C2: variants seen among roughly 807,000 people sequenced by gnomAD.
C2 encodes the protein C3/C5 convertase.
In C2, 64 loss-of-function variants were observed where a neutral mutation model predicts 85.2. The observed-to-expected ratio is 0.75, with a 90% CI of 0.61 to 0.92. The LOEUF is 0.92. C2 is among the 40% of genes least tolerant of loss of function. C2 has a pLI of 0.00. For missense variants in C2, 820 were observed against 971.6 expected (o/e 0.84, Z 2.07); for synonymous variants, 311 against 370.8 (o/e 0.84, Z 1.85).
rs1768997113 is a variant in C2 at position 31,921,868 on chromosome 6, G to T, written c.-100+1842G>T. On this transcript the variant is annotated intron_variant, in intron 1 of 3. Transcript: ENST00000413154. The surrounding 1 kb of genome is among the most constrained non-coding windows in gnomAD (Gnocchi z 4.6). Reference sequence around the variant, plus strand: ...AGTGCAGACAGTGCATTCTGGAGGTGATCGCAAGAAACATGGGTAGTGGAG... The same window carrying T: ...AGTGCAGACAGTGCATTCTGGAGGTTATCGCAAGAAACATGGGTAGTGGAG... 1.3e-5 allele frequency among the ~76,000 whole-genome samples: 2 copies of T among 152,180 alleles called. No homozygotes were observed. Among genetic ancestry groups the T allele is most frequent in the Non-Finnish European group, 2.9e-5 (2 of 68,022 alleles).
chr6:31,906,348 T>C lies in C2; in HGVS notation c.73+5209T>C, dbSNP rs529442808. 6.6e-5 allele frequency among the ~76,000 whole-genome samples: 10 copies of C among 151,962 alleles called. No individual in the cohort carries two copies. The East Asian group carries it at 1.6e-3, about 24-fold the overall frequency. ...CTCCTCAATGCTGGCTCCTCCTCCT[T>C]CTTCAGAGCTCCTTATCCCTAGCTC... On this transcript the variant is annotated intron_variant, in intron 1 of 3. Coordinates refer to the C2 transcript ENST00000452202.
Position 31,944,848 on chromosome 6 carries a change from G to T in C2, c.2024G>T (p.Cys675Phe). Reference protein sequence around the residue: ...CSGTQEDESPCKGESGGAVFL... With the variant: ...CSGTQEDESPFKGESGGAVFL... ...GGGACCCAGGAGGATGAGAGTCCCT[G>T]CAAGGGTGAGTCCCTCACCATGCCT... The change falls in exon 16 of 18, where the codon TGC becomes TTC. Residue 675 changes from cysteine (C) to phenylalanine (F), a missense_variant. Cys to Phe is a radical substitution (Grantham distance 205). Coordinates refer to ENST00000299367, the MANE Select transcript of C2 (RefSeq NM_000063.6). The surrounding 1 kb of genome is among the most constrained non-coding windows in gnomAD (Gnocchi z 5.1). The T allele has an allele frequency of 3.1e-6, 5 of 1,613,072 alleles. No individual in the cohort carries two copies. Among genetic ancestry groups the T allele is most frequent in the Non-Finnish European group, 4.2e-6 (5 of 1,180,040 alleles).
Position 31,934,299 on chromosome 6 carries a change from G to A in C2, c.849G>A (p.Arg283=). 1 of 1,593,894 alleles carries A rather than the reference G, an allele frequency of 6.3e-7. No homozygotes were observed. Among genetic ancestry groups the A allele is most frequent in the Non-Finnish European group, 8.6e-7 (1 of 1,162,534 alleles). The change falls in exon 6 of 18, where the codon AGG becomes AGA. Residue 283 remains arginine (R), a splice_region_variant and synonymous_variant. Coordinates refer to ENST00000299367, the MANE Select transcript of C2 (RefSeq NM_000063.6). ...AGAGCGCCTCCCTCATGGTGGACAGGGTCAGGAATCAGGAGTCTGCCTGCA... is the reference window on the plus strand; with the variant it reads ...AGAGCGCCTCCCTCATGGTGGACAGAGTCAGGAATCAGGAGTCTGCCTGCA... ...FKESASLMVD[R]IFSFEINVSV...
At chr6:31,915,159 T>C (rs1768418319), upstream of C2, among the ~76,000 whole-genome samples, 1 of 152,186 alleles carries the variant, frequency 6.6e-6, no homozygotes, top group Non-Finnish European at 1.5e-5. Flanking sequence ...ATTTCTGAAA[T>C]GCAAATCAAA....
At chr6:31,928,627 A>G (rs1451003497) in intron 2 of C2, 105 bp from the exon 3 acceptor site, 1 of 1,126,500 alleles carries the variant, frequency 8.9e-7, no homozygotes, top group Non-Finnish European at 1.3e-6. Context: ...TTTGACAGCC[A>G]GTTGACCATT....
intron 1 of C2, among the ~76,000 whole-genome samples, chr6:31,913,574 GA>G (rs1331867935): frequency 6.6e-6 from 1 of 152,094 alleles, no homozygotes; most frequent in Non-Finnish European, 1.5e-5. Flanking sequence ...CAACAAAAGC[GA>G]AACTCCATCT....
rs1306608480 is a variant in C2, at chr6:31,945,306, G to T, written c.2208G>T (p.Gln736His). 2 of 1,613,046 alleles carry T rather than the reference G, an allele frequency of 1.2e-6. No homozygotes were observed. Among genetic ancestry groups the T allele is most frequent in the Admixed American group, 1.7e-5 (1 of 60,018 alleles). Residue 736 changes from glutamine (Q) to histidine (H), a missense_variant, in exon 18 of 18, where the codon CAG becomes CAT. Transcript: ENST00000299367. The surrounding 1 kb of genome is among the most constrained non-coding windows in gnomAD (Gnocchi z 5.3). Reference sequence around the variant, plus strand: ...TTCACATCAATCTCTTCCGCATGCAGCCCTGGCTGAGGCAGCACCTGGGGG... The same window carrying T: ...TTCACATCAATCTCTTCCGCATGCATCCCTGGCTGAGGCAGCACCTGGGGG... ...RDFHINLFRMQPWLRQHLGDV... is the reference protein window; with the variant it reads ...RDFHINLFRMHPWLRQHLGDV...
At chr6:31,899,868 G>A, upstream of C2, 13 of 1,471,398 alleles carry the variant, frequency 8.8e-6, no homozygotes, top group Non-Finnish European at 1.2e-5. Context: ...CTGGGCCAAA[G>A]AGCCCTTTTT....
At chr6:31,910,695 A>G (rs1348490336) in intron 1 of C2, among the ~76,000 whole-genome samples, 2 of 152,118 alleles carry the variant, frequency 1.3e-5, no homozygotes, top group South Asian at 2.1e-4. Context: ...AAAATGAATC[A>G]TGAGCCCAGC....
chr6:31,901,564 G>A (rs753923524), intron 1 of C2, among the ~76,000 whole-genome samples: 1 of 151,608 alleles, frequency 6.6e-6, no homozygotes, highest in Non-Finnish European at 1.5e-5. Flanking sequence ...GCTAGGATGG[G>A]GCGAGCCCGC....
chr6:31,937,196 G>T, intron 7 of C2, 123 bp from the exon 8 acceptor site: 1 of 981,058 alleles, frequency 1.0e-6, no homozygotes, highest in Non-Finnish European at 1.5e-6. Context: ...GTGGCAGAGC[G>T]AGACTCTCTC....
intron 7 of C2, 120 bp from the exon 8 acceptor site, chr6:31,937,199 A>T: frequency 1.0e-6 from 1 of 985,294 alleles, no homozygotes; most frequent in Non-Finnish European, 1.5e-6. Flanking sequence ...GCAGAGCGAG[A>T]CTCTCTCAAA....
Position 31,945,067 on chromosome 6 carries a change from G to A in C2, c.2079+38G>A. The A allele has an allele frequency of 6.2e-7, 1 of 1,612,548 alleles. No individual in the cohort carries two copies. The highest frequency in any genetic ancestry group is 8.5e-7 in the Non-Finnish European group (1 of 1,179,568). On this transcript the variant is annotated intron_variant, in intron 17 of 17. Transcript: ENST00000299367. This position sits in a 1 kb window ranked among gnomAD's most constrained non-coding sequence, Gnocchi z 5.3. Reference sequence around the variant, plus strand: ...AAGCTTGCAGGACCCAGGGGTTACAGGATCTCAGCCTTGTTGGGGGGATGA... The same window carrying A: ...AAGCTTGCAGGACCCAGGGGTTACAAGATCTCAGCCTTGTTGGGGGGATGA...
chr6:31,938,693 C>G (rs1308764429), intron 8 of C2, among the ~76,000 whole-genome samples: 1 of 151,590 alleles, frequency 6.6e-6, no homozygotes, highest in Non-Finnish European at 1.5e-5. Flanking sequence ...GAGTTTCACT[C>G]TTGTTGCCCA....
upstream of C2, among the ~76,000 whole-genome samples, chr6:31,915,682 A>G (rs1381369019): frequency 6.6e-6 from 1 of 152,236 alleles, no homozygotes; most frequent in Non-Finnish European, 1.5e-5. Flanking sequence ...CTCCATCAAA[A>G]GAGGGTGCTG....
chr6:31,931,842 G>A (rs9267680), intron 3 of C2, among the ~76,000 whole-genome samples: 16,996 of 151,304 alleles, frequency 0.11, 1,175 homozygotes, highest in African/African-American at 0.19. Context: ...AGGCGCGGCC[G>A]GGCAGAGGCG....
chr6:31,932,039 G>C (rs9267691), intron 3 of C2, among the ~76,000 whole-genome samples: 2 of 135,044 alleles, frequency 1.5e-5, no homozygotes, highest in African/African-American at 2.9e-5. Flanking sequence ...CGGGCAGAGG[G>C]GCTCCTCACT....
In C2 at chr6:31,945,341, A is replaced by T. The variant is rs1562621519; in HGVS notation, c.2243A>T (p.Asn748Ile). ...WLRQHLGDVLNFLPL is the reference protein window; with the variant it reads ...WLRQHLGDVLIFLPL ...AGGCAGCACCTGGGGGATGTCCTGA[A>T]TTTTTTACCCCTCTAGCCATGGCCA... The change falls in exon 18 of 18, where the codon AAT becomes ATT. Residue 748 changes from asparagine to isoleucine, a missense_variant. Asn to Ile is a moderately radical substitution (Grantham distance 149). Coordinates refer to ENST00000299367, the MANE Select transcript of C2 (RefSeq NM_000063.6). This position sits in a 1 kb window ranked among gnomAD's most constrained non-coding sequence, Gnocchi z 5.3. The T allele has an allele frequency of 6.2e-7, 1 of 1,612,710 alleles. No individual in the cohort carries two copies. The highest frequency in any genetic ancestry group is 1.1e-5 in the South Asian group (1 of 91,056).
chr6:31,940,285 A>G (rs1196379558), intron 9 of C2, among the ~76,000 whole-genome samples: 2 of 152,212 alleles, frequency 1.3e-5, no homozygotes, highest in African/African-American at 2.4e-5. Flanking sequence ...TATGTTAGCC[A>G]TGACCACGAC....
Sources: gnomAD v4.1 joint callset for allele counts (sites outside exome capture counted in the v4.1 genomes callset) on GRCh38, gnomAD v4.1.1 for gene constraint, Gnocchi (gnomAD v3.1) non-coding constraint, MANE v1.5 for transcripts, NCBI Gene and HGNC (gene_info 2026-07-23, HGNC 2026-07-21) for gene names.